GTF3C1: variants seen among roughly 807,000 people sequenced by gnomAD.
GTF3C1 encodes general transcription factor IIIC subunit 1, also known as general transcription factor 3C polypeptide 1.
GTF3C1 carries 57 observed loss-of-function variants against 226.7 expected under a neutral mutation model. The ratio of observed to expected loss-of-function variants is 0.25; its 90% CI spans 0.20 to 0.31. The LOEUF (loss-of-function observed/expected upper bound fraction) is 0.31, where lower values mean the gene tolerates loss of function less well. GTF3C1 is among the 10% of genes least tolerant of loss of function. The pLI is 1.00. For synonymous variants in GTF3C1, 1,090 were observed against 1,084.8 expected, an observed-to-expected ratio of 1.00 and a Z score of -0.09; for missense variants, 2,217 against 2,776.1, an observed-to-expected ratio of 0.80 and a Z score of 4.53.
intron 6 of GTF3C1, among the ~76,000 whole-genome samples, chr16:27,513,965 G>T (rs1280519768): frequency 6.6e-6 from 1 of 152,180 alleles, no homozygotes; most frequent in Non-Finnish European, 1.5e-5. Flanking sequence ...CTCCACTCAA[G>T]CAGGAGGTTC....
intron 6 of GTF3C1, among the ~76,000 whole-genome samples, chr16:27,528,009 C>T (rs1596654271): frequency 6.6e-6 from 1 of 151,322 alleles, no homozygotes; most frequent in East Asian, 1.9e-4. Flanking sequence ...TGTGGTGGCT[C>T]ACGCTTATAA....
At chr16:27,488,982 G>A in intron 21 of GTF3C1, 61 bp downstream of exon 21, 2 of 1,494,648 alleles carry the variant, frequency 1.3e-6, no homozygotes, top group South Asian at 1.1e-5. Flanking sequence ...CAGGCAGGGA[G>A]GGACAGGAGG....
Position 27,475,410 on chromosome 16 carries a change from G to T in GTF3C1, c.4353+1041C>A, listed in dbSNP as rs540785720. ...ATTCCAAATCAGGTGACTTGTTAATGTAAGCCAGGAGCAGATTTTTAGGGT... is the reference window on the plus strand; with the variant it reads ...ATTCCAAATCAGGTGACTTGTTAATTTAAGCCAGGAGCAGATTTTTAGGGT... On this transcript the variant is annotated intron_variant, in intron 29 of 36. Coordinates refer to ENST00000356183, the MANE Select transcript of GTF3C1 (RefSeq NM_001520.4). Among the ~76,000 whole-genome samples the T allele has an allele frequency of 2.0e-5, 3 of 152,190 alleles. No individual in the cohort carries two copies. The East Asian group carries it at 5.8e-4, about 29-fold the overall frequency.
At chr16:27,527,583 A>G (rs2088852438) in intron 6 of GTF3C1, among the ~76,000 whole-genome samples, 1 of 152,214 alleles carries the variant, frequency 6.6e-6, no homozygotes, top group East Asian at 1.9e-4. Context: ...AACCTTCTGT[A>G]AGTTACTCAG....
intron 5 of GTF3C1, among the ~76,000 whole-genome samples, chr16:27,532,364 G>C (rs896429416): frequency 1.3e-5 from 2 of 152,160 alleles, no homozygotes; most frequent in African/African-American, 4.8e-5. Flanking sequence ...CCTGCGGTCA[G>C]ACAGAAGACC....
Position 27,497,751 on chromosome 16 carries a change from T to G in GTF3C1, c.2236A>C (p.Ser746Arg). 1 of 1,613,938 alleles carries G rather than the reference T, an allele frequency of 6.2e-7. No individual in the cohort carries two copies. Among genetic ancestry groups the G allele is most frequent in the South Asian group, 1.1e-5 (1 of 91,076 alleles). Reference protein sequence around the residue: ...EEDSQGKEGPSGSGDSQLSAS... With the variant: ...EEDSQGKEGPRGSGDSQLSAS... ...CTCAGCTGAGAGTCCCCTGATCCAC[T>G]TGGGCCCTCTTTTCCTTGACTGTCT... The change falls in exon 14 of 37, where the codon AGT becomes CGT. Residue 746 changes from serine (S) to arginine (R), a missense_variant. By Grantham distance (110) the Ser-to-Arg change is moderately radical. Coordinates refer to ENST00000356183, the MANE Select transcript of GTF3C1 (RefSeq NM_001520.4).
intron 27 of GTF3C1, among the ~76,000 whole-genome samples, chr16:27,479,650 G>T (rs968821310): frequency 6.6e-5 from 10 of 152,142 alleles, no homozygotes; most frequent in African/African-American, 2.2e-4. Flanking sequence ...TGTATTTTTA[G>T]AAGAGACAGG....
chr16:27,486,277 A>G (rs887855067), intron 23 of GTF3C1, 123 bp from the exon 24 acceptor site: 1 of 577,826 alleles, frequency 1.7e-6, no homozygotes, highest in Non-Finnish European at 3.1e-6. Flanking sequence ...GTTAGCAGAT[A>G]CTCATTGTAT....
intron 7 of GTF3C1, among the ~76,000 whole-genome samples, chr16:27,511,159 T>C (rs2088565596): frequency 6.6e-6 from 1 of 152,180 alleles, no homozygotes; most frequent in South Asian, 2.1e-4. Context: ...GTGGACTAAG[T>C]GGGACAGATC....
chr16:27,537,961 G>A (rs2089025726), intron 3 of GTF3C1, 34 bp from the exon 4 acceptor site: 8 of 1,607,098 alleles, frequency 5.0e-6, no homozygotes, highest in South Asian at 4.4e-5. Flanking sequence ...CATTTGCTTT[G>A]CTGGTAGTTT....
chr16:27,545,541 A>T lies in GTF3C1; in HGVS notation c.222-18T>A. The T allele has an allele frequency of 7.0e-7, 1 of 1,424,600 alleles. No homozygotes were observed. Among genetic ancestry groups the T allele is most frequent in the South Asian group, 1.1e-5 (1 of 87,124 alleles). 88.2% of individuals were successfully genotyped at this position (1,424,600 alleles called of 1,614,324 possible). A position where few individuals can be genotyped will look rare whatever the true frequency, so the allele number is the denominator to read the frequency against. ...CTTCATACCTAAGGAGAAAAACACAAATATCAAAGCCCAACTCAGCTTCAG... is the reference window on the plus strand; with the variant it reads ...CTTCATACCTAAGGAGAAAAACACATATATCAAAGCCCAACTCAGCTTCAG... On this transcript the variant is annotated intron_variant, in intron 1 of 36. Coordinates refer to ENST00000356183, the MANE Select transcript of GTF3C1 (RefSeq NM_001520.4).
In GTF3C1 at chr16:27,507,228, G is replaced by A. The variant is rs2088500044; in HGVS notation, c.1243-72C>T. On this transcript the variant is annotated intron_variant, in intron 8 of 36. Transcript: ENST00000356183. This position sits in a 1 kb window ranked among gnomAD's most constrained non-coding sequence, Gnocchi z 4.9. Reference sequence around the variant, plus strand: ...ACCCACAGGGGTTCAGGTGGTCTGTGGCATCTATTTCCTTATTGGCTTTCT... The same window carrying A: ...ACCCACAGGGGTTCAGGTGGTCTGTAGCATCTATTTCCTTATTGGCTTTCT... The A allele has an allele frequency of 2.6e-6, 3 of 1,166,642 alleles. No individual in the cohort carries two copies. Among genetic ancestry groups the A allele is most frequent in the Admixed American group, 4.3e-5 (2 of 46,978 alleles). 72.3% of individuals were successfully genotyped at this position (1,166,642 alleles called of 1,614,324 possible). A position where few individuals can be genotyped will look rare whatever the true frequency, so the allele number is the denominator to read the frequency against.
In GTF3C1 at chr16:27,497,617, G is replaced by A; in HGVS notation, c.2350+20C>T. The A allele has an allele frequency of 6.3e-7, 1 of 1,587,910 alleles. No individual in the cohort carries two copies. Among genetic ancestry groups the A allele is most frequent in the African/African-American group, 1.3e-5 (1 of 74,368 alleles). ...AACAAATCAAATGTAACTAAACACA[G>A]ACAAGAAGCTGCAGCTTACCTACAA... On this transcript the variant is annotated intron_variant, in intron 14 of 36. Transcript: ENST00000356183.
intron 5 of GTF3C1, among the ~76,000 whole-genome samples, chr16:27,532,742 T>G (rs955539999): frequency 6.6e-6 from 1 of 152,154 alleles, no homozygotes; most frequent in African/African-American, 2.4e-5. Flanking sequence ...ATTTTCCTAT[T>G]CCGTCTGAAC....
intron 1 of GTF3C1, among the ~76,000 whole-genome samples, 173 bp downstream of exon 1, chr16:27,549,497 G>A (rs1402643015): frequency 6.6e-6 from 1 of 151,940 alleles, no homozygotes; most frequent in Non-Finnish European, 1.5e-5. Flanking sequence ...GGACTCCAGG[G>A]CCCTGCCAGG....
chr16:27,512,229 G>A (rs931228031), intron 6 of GTF3C1, among the ~76,000 whole-genome samples: 7 of 152,148 alleles, frequency 4.6e-5, no homozygotes, highest in South Asian at 2.1e-4. Context: ...AACAGGAGAC[G>A]CGCCTGTCTC....
At chr16:27,506,496 C>A (rs1207823842) in intron 9 of GTF3C1, among the ~76,000 whole-genome samples, 1 of 152,008 alleles carries the variant, frequency 6.6e-6, no homozygotes, top group Non-Finnish European at 1.5e-5. Flanking sequence ...GTCATCAGCA[C>A]CACTCTCTAT....
intron 6 of GTF3C1, among the ~76,000 whole-genome samples, chr16:27,524,293 T>C (rs1490494916): frequency 6.6e-6 from 1 of 152,260 alleles, no homozygotes; most frequent in African/African-American, 2.4e-5. Flanking sequence ...CAAGACTTTT[T>C]AGGTGAAACT....
At chr16:27,541,712 G>A (rs981422650) in intron 2 of GTF3C1, among the ~76,000 whole-genome samples, 1 of 152,186 alleles carries the variant, frequency 6.6e-6, no homozygotes, top group Non-Finnish European at 1.5e-5. Context: ...GGATTGCCTT[G>A]AGACAAAAAG....
Sources: allele counts gnomAD v4.1 joint callset (sites outside exome capture counted in the v4.1 genomes callset), GRCh38; gene constraint gnomAD v4.1.1; non-coding constraint Gnocchi (gnomAD v3.1); transcripts MANE v1.5; gene names NCBI Gene and HGNC (gene_info 2026-07-23, HGNC 2026-07-21).